Variants in STX18 observed in about 807,000 individuals in gnomAD.
The protein encoded by STX18 is syntaxin-18.
STX18 carries 40 observed loss-of-function variants against 50.1 expected under a neutral mutation model. The ratio of observed to expected loss-of-function variants is 0.80; its 90% CI spans 0.62 to 1.04. STX18 has a LOEUF of 1.04. STX18 is among the 50% of genes least tolerant of loss of function. The pLI, the probability that STX18 is intolerant of heterozygous loss-of-function variation, is 0.00. For missense variants in STX18, 410 were observed against 415.8 expected, an observed-to-expected ratio of 0.99 and a Z score of 0.12; for synonymous variants, 158 against 151.8, an observed-to-expected ratio of 1.04 and a Z score of -0.30.
intron 5 of STX18, among the ~76,000 whole-genome samples, chr4:4,444,983 G>A (rs1254192305): frequency 6.6e-6 from 1 of 152,126 alleles, no homozygotes; most frequent in Non-Finnish European, 1.5e-5. Flanking sequence ...TGGTACCAGA[G>A]GTCCAGGCCC....
chr4:4,460,855 C>G (rs73086262), intron 2 of STX18, among the ~76,000 whole-genome samples: 37 of 152,262 alleles, frequency 2.4e-4, no homozygotes, highest in African/African-American at 8.9e-4. Flanking sequence ...TCCCCTCTCC[C>G]CAACCCCAGC....
At chr4:4,457,080 G>T (rs145048711) in intron 5 of STX18, 111 bp downstream of exon 5, 1 of 1,029,846 alleles carries the variant, frequency 9.7e-7, no homozygotes, top group African/African-American at 1.6e-5. Flanking sequence ...GGCATTTTGC[G>T]AAGAAGTTCA....
intron 5 of STX18, among the ~76,000 whole-genome samples, chr4:4,442,365 T>C (rs1202453501): frequency 6.6e-6 from 1 of 151,890 alleles, no homozygotes; most frequent in Non-Finnish European, 1.5e-5. Flanking sequence ...GGCTCACTCC[T>C]GTAATCCCAG....
intron 1 of STX18, among the ~76,000 whole-genome samples, chr4:4,527,231 G>C (rs1301124237): frequency 6.6e-6 from 1 of 152,124 alleles, no homozygotes; most frequent in Non-Finnish European, 1.5e-5. Context: ...TCTCTCCACA[G>C]TTAAGATGAC....
In STX18 at chr4:4,434,854, T is replaced by A; in HGVS notation, c.618A>T (p.Lys206Asn). Residue 206 changes from lysine to asparagine, a missense_variant, in exon 7 of 11, where the codon AAA becomes AAT. Physicochemically the swap from Lys to Asn is moderately conservative, Grantham distance 94 (BLOSUM62 0). Coordinates refer to ENST00000306200, the MANE Select transcript of STX18 (RefSeq NM_016930.4). ...ENPATEERPEKILAETQPELG... is the reference protein window; with the variant it reads ...ENPATEERPENILAETQPELG... Reference sequence around the variant, plus strand: ...ATTCAGGTTGTGTTTCAGCCAAAATTTTTTCTGTTAAAAAAAAAATTGAAA... The same window carrying A: ...ATTCAGGTTGTGTTTCAGCCAAAATATTTTCTGTTAAAAAAAAAATTGAAA... The A allele has an allele frequency of 6.3e-7, 1 of 1,599,346 alleles. No homozygotes were observed. Among genetic ancestry groups the A allele is most frequent in the Non-Finnish European group, 8.5e-7 (1 of 1,176,080 alleles).
intron 9 of STX18, among the ~76,000 whole-genome samples, chr4:4,422,590 GAAAAA>G (rs1166863849): frequency 6.7e-6 from 1 of 148,418 alleles, no homozygotes; most frequent in African/African-American, 2.5e-5. Context: ...AAAAGAAAAA[GAAAAA>G]AAAAGAAAAG....
chr4:4,514,757 G>A (rs936039487), intron 1 of STX18, among the ~76,000 whole-genome samples: 1 of 152,086 alleles, frequency 6.6e-6, no homozygotes, highest in East Asian at 1.9e-4. Flanking sequence ...GCAGGAACTA[G>A]GAGGGGCCTC....
At chr4:4,498,062 A>G (rs758945723) in intron 1 of STX18, among the ~76,000 whole-genome samples, 8 of 152,208 alleles carry the variant, frequency 5.3e-5, no homozygotes, top group African/African-American at 1.4e-4. Flanking sequence ...AAACAGTCAC[A>G]TAAGACTTTA....
At chr4:4,508,664 T>C (rs113560920) in intron 1 of STX18, among the ~76,000 whole-genome samples, 69 of 152,316 alleles carry the variant, frequency 4.5e-4, no homozygotes, top group African/African-American at 1.4e-3. Context: ...ACCTAGGTGT[T>C]AAGCCCAGCA....
chr4:4,427,797 C>T (rs901658979), intron 7 of STX18, among the ~76,000 whole-genome samples: 3 of 152,280 alleles, frequency 2.0e-5, no homozygotes, highest in East Asian at 1.9e-4. Context: ...GCTCCATGTC[C>T]GCCCTCCACT....
At chr4:4,472,432 A>C (rs1727969656) in intron 1 of STX18, among the ~76,000 whole-genome samples, 1 of 152,256 alleles carries the variant, frequency 6.6e-6, no homozygotes, top group African/African-American at 2.4e-5. Flanking sequence ...ATTACTAGCC[A>C]GTGGCCTGCT....
intron 3 of STX18, 104 bp downstream of exon 3, chr4:4,459,268 A>T: frequency 1.2e-6 from 1 of 815,448 alleles, no homozygotes; most frequent in South Asian, 1.6e-5. Flanking sequence ...TAAAACCTAA[A>T]TCGAAATAAG....
chr4:4,469,195 G>A (rs55895013), intron 2 of STX18, among the ~76,000 whole-genome samples: 3,410 of 152,280 alleles, frequency 0.022, 113 homozygotes, highest in African/African-American at 0.071. Flanking sequence ...CAGAGGTCAC[G>A]TCACCTGCAG....
chr4:4,477,072 CAACAA>C (rs779200136), intron 1 of STX18, among the ~76,000 whole-genome samples: 5 of 151,686 alleles, frequency 3.3e-5, no homozygotes, highest in Non-Finnish European at 5.9e-5. Flanking sequence ...AAAACCAAAA[CAACAA>C]AACAAAACAA....
chr4:4,470,732 C>G (rs1013722101), intron 2 of STX18, among the ~76,000 whole-genome samples: 1 of 152,134 alleles, frequency 6.6e-6, no homozygotes, highest in African/African-American at 2.4e-5. Flanking sequence ...AGAGGAGGAA[C>G]AGCATAGGCC....
intron 5 of STX18, among the ~76,000 whole-genome samples, chr4:4,439,275 AACAC>A (rs141132355): frequency 1.1e-4 from 15 of 139,532 alleles, no homozygotes; most frequent in African/African-American, 3.0e-4. Flanking sequence ...CACCCACATA[AACAC>A]ACACACATAT....
Position 4,429,096 on chromosome 4 carries a change from C to T in STX18, c.703-3874G>A, listed in dbSNP as rs1056717586. ...GCAGCACAGCATCATGTTGAACAGC[C>T]TAGGACTTGGGACCTATGTGACCTA... On this transcript the variant is annotated intron_variant, in intron 7 of 10. Transcript: ENST00000306200. Among the ~76,000 whole-genome samples the T allele has an allele frequency of 5.3e-5, 8 of 152,202 alleles. 1 individual carries two copies. Among genetic ancestry groups the T allele is most frequent in the African/African-American group, 1.7e-4 (7 of 41,450 alleles).
At chr4:4,492,303 GTATAGGTGGTACTCTTTGTGA>G (rs979388236) in intron 1 of STX18, among the ~76,000 whole-genome samples, 3 of 152,086 alleles carry the variant, frequency 2.0e-5, no homozygotes, top group Admixed American at 6.5e-5. Flanking sequence ...TTTCCACAGA[GTATAGGTGGTACTCTTTGTGA>G]TAAATGAATC....
intron 1 of STX18, among the ~76,000 whole-genome samples, chr4:4,522,527 C>G (rs147822930): frequency 6.6e-6 from 1 of 152,140 alleles, no homozygotes; most frequent in Admixed American, 6.6e-5. Flanking sequence ...ATTGCCAATT[C>G]CTTTAGATGC....
Sources: allele counts gnomAD v4.1 joint callset (sites outside exome capture counted in the v4.1 genomes callset), GRCh38; gene constraint gnomAD v4.1.1; transcripts MANE v1.5; gene names NCBI Gene and HGNC (gene_info 2026-07-23, HGNC 2026-07-21).